Variants in SSBP2 observed in about 807,000 individuals in gnomAD.
The protein encoded by SSBP2 is single stranded DNA binding protein 2.
Under a neutral mutation model 61.8 loss-of-function variants are expected in SSBP2, and 17 were observed. The observed-to-expected ratio is 0.28, with a 90% CI of 0.19 to 0.41. The LOEUF (loss-of-function observed/expected upper bound fraction) is 0.41. Ranked by LOEUF, SSBP2 falls within the 10% of genes least tolerant of loss-of-function variation. The probability of loss-of-function intolerance (pLI) is 1.00; values close to 1 mark genes in which losing one functional copy is unlikely to be tolerated. For synonymous variants in SSBP2, 139 were observed against 141.3 expected (o/e 0.98, Z 0.12); for missense variants, 310 against 458.7 (o/e 0.68, Z 2.96).
chr5:81,624,897 T>G (rs568505589), intron 3 of SSBP2, among the ~76,000 whole-genome samples: 11 of 152,154 alleles, frequency 7.2e-5, no homozygotes, highest in Admixed American at 2.6e-4. Flanking sequence ...CACGTCTATA[T>G]AATATGCTGC....
chr5:81,741,280 C>A (rs974273399), intron 1 of SSBP2, among the ~76,000 whole-genome samples: 2 of 152,148 alleles, frequency 1.3e-5, no homozygotes, highest in African/African-American at 4.8e-5. Flanking sequence ...CTCGAATAGT[C>A]AAATTCTTGG....
At chr5:81,540,977 C>T (rs1299461629) in intron 4 of SSBP2, among the ~76,000 whole-genome samples, 1 of 151,986 alleles carries the variant, frequency 6.6e-6, no homozygotes, top group Non-Finnish European at 1.5e-5. Context: ...CAAACTATCT[C>T]TCTATGCAAA....
intron 1 of SSBP2, among the ~76,000 whole-genome samples, chr5:81,658,154 G>A (rs933318924): frequency 6.6e-6 from 1 of 152,058 alleles, no homozygotes; most frequent in Non-Finnish European, 1.5e-5. Context: ...TTGTACAATA[G>A]ATCTCTTGAA....
intron 9 of SSBP2, among the ~76,000 whole-genome samples, chr5:81,463,466 G>A (rs2154003432): frequency 6.6e-6 from 1 of 152,274 alleles, no homozygotes; most frequent in South Asian, 2.1e-4. Flanking sequence ...TTGCGAGGCC[G>A]AGGCGGGGGG....
intron 4 of SSBP2, among the ~76,000 whole-genome samples, chr5:81,557,474 T>C (rs914158533): frequency 2.6e-5 from 4 of 152,148 alleles, no homozygotes. Context: ...ATTCTAATTC[T>C]AAGTATATTA....
At chr5:81,671,897 G>A (rs1282581378) in intron 1 of SSBP2, among the ~76,000 whole-genome samples, 1 of 152,088 alleles carries the variant, frequency 6.6e-6, no homozygotes, top group Non-Finnish European at 1.5e-5. Flanking sequence ...GATAAGCAGA[G>A]AGAAAAGGGG....
chr5:81,501,760 G>A (rs1435292487), intron 5 of SSBP2, among the ~76,000 whole-genome samples: 2 of 151,540 alleles, frequency 1.3e-5, no homozygotes, highest in Non-Finnish European at 2.9e-5. Flanking sequence ...TAGAGACGGG[G>A]TTTCACCATG....
chr5:81,567,952 A>G (rs908753226), intron 4 of SSBP2, among the ~76,000 whole-genome samples: 1 of 152,118 alleles, frequency 6.6e-6, no homozygotes, highest in African/African-American at 2.4e-5. Context: ...GGAAATAACT[A>G]GCTTGCTTTT....
intron 1 of SSBP2, among the ~76,000 whole-genome samples, chr5:81,726,243 C>T (rs1755881935): frequency 6.6e-6 from 1 of 152,062 alleles, no homozygotes; most frequent in African/African-American, 2.4e-5. Flanking sequence ...AAAAGAAACA[C>T]TGAACAAATA....
chr5:81,684,996 T>C (rs1324319798), intron 1 of SSBP2, among the ~76,000 whole-genome samples: 1 of 152,072 alleles, frequency 6.6e-6, no homozygotes, highest in Non-Finnish European at 1.5e-5. Flanking sequence ...GATTGGATCA[T>C]GGGGCTGGAT....
intron 1 of SSBP2, among the ~76,000 whole-genome samples, chr5:81,749,039 CATTTCAATCACTCTGACTAAT>C (rs770429134): frequency 8.1e-4 from 124 of 152,312 alleles, no homozygotes; most frequent in Non-Finnish European, 1.3e-3. Context: ...TGCCTCAATA[CATTTCAATCACTCTGACTAAT>C]GTGAAATTCA....
At chr5:81,496,340 T>C (rs1489802073) in intron 5 of SSBP2, among the ~76,000 whole-genome samples, 1 of 152,084 alleles carries the variant, frequency 6.6e-6, no homozygotes, top group African/African-American at 2.4e-5. Flanking sequence ...CCACCACGCC[T>C]GGCTAATTTT....
At position 81,660,641 on chromosome 5, in the gene SSBP2, G is replaced by C. The variant is rs1234866977; in HGVS notation, c.63-10302C>G. Reference sequence around the variant, plus strand: ...AGAACCAGAAATACCATGTGACCCAGCAATCCCATTACTGGGTATATACCC... The same window carrying C: ...AGAACCAGAAATACCATGTGACCCACCAATCCCATTACTGGGTATATACCC... On this transcript the variant is annotated intron_variant, in intron 1 of 16. Transcript: ENST00000320672. Among the ~76,000 whole-genome samples the C allele has an allele frequency of 2.6e-5, 4 of 152,142 alleles. No homozygotes were observed. The East Asian group carries it at 7.7e-4, about 29-fold the overall frequency.
chr5:81,447,984 A>G (rs1010871133), intron 11 of SSBP2: 1 of 152,154 alleles, frequency 6.6e-6, no homozygotes, highest in Non-Finnish European at 1.5e-5. Flanking sequence ...TACTATTTCC[A>G]TGGAGAGTGA....
intron 10 of SSBP2, among the ~76,000 whole-genome samples, chr5:81,454,448 A>AGGTG (rs922808284): frequency 4.1e-4 from 62 of 152,348 alleles, no homozygotes; most frequent in African/African-American, 1.4e-3. Flanking sequence ...TGGGAGGCCA[A>AGGTG]GGTGGGTGGA....
At chr5:81,571,339 G>T (rs1773825414) in intron 4 of SSBP2, among the ~76,000 whole-genome samples, 2 of 152,104 alleles carry the variant, frequency 1.3e-5, no homozygotes, top group Non-Finnish European at 2.9e-5. Flanking sequence ...AAGACATTGG[G>T]AGGTGAGAGT....
intron 4 of SSBP2, among the ~76,000 whole-genome samples, chr5:81,587,527 C>T (rs538308347): frequency 2.1e-3 from 325 of 152,160 alleles, no homozygotes; most frequent in Non-Finnish European, 3.2e-3. Context: ...ACCAGGAATT[C>T]GAGACCAACC....
At chr5:81,640,629 C>T (rs1354338905) in intron 2 of SSBP2, among the ~76,000 whole-genome samples, 1 of 151,906 alleles carries the variant, frequency 6.6e-6, no homozygotes, top group Admixed American at 6.6e-5. Flanking sequence ...TTATGAGAAA[C>T]AAAACTCTGA....
chr5:81,559,511 C>T (rs183459124), intron 4 of SSBP2, among the ~76,000 whole-genome samples: 149 of 151,884 alleles, frequency 9.8e-4, no homozygotes, highest in East Asian at 3.7e-3. Context: ...GGCGCTCCAG[C>T]CTGGCAACAG....
Sources: gnomAD v4.1 joint callset for allele counts (sites outside exome capture counted in the v4.1 genomes callset) on GRCh38, gnomAD v4.1.1 for gene constraint, MANE v1.5 for transcripts, NCBI Gene and HGNC (gene_info 2026-07-23, HGNC 2026-07-21) for gene names.